The following NXNL2 variants were observed in gnomAD, a reference collection of about 807,000 sequenced individuals.
NXNL2 encodes the protein nucleoredoxin like 2, also known as nucleoredoxin-like protein 2.
Under a neutral mutation model 11.1 loss-of-function variants are expected in NXNL2, and 7 were observed. That is an observed-to-expected ratio of 0.63 (90% confidence interval 0.36 to 1.18). The LOEUF is 1.18. Among genes scored for constraint, NXNL2 ranks in the 50% most tolerant of loss-of-function variants. The pLI is 0.02. For missense variants in NXNL2, 233 were observed against 217.7 expected (o/e 1.07, Z -0.44); for synonymous variants, 109 against 101.8 (o/e 1.07, Z -0.42).
chr9:88,568,832 T>C lies in NXNL2; in HGVS notation c.303-2255T>C, dbSNP rs576761103. On this transcript the variant is annotated intron_variant, in intron 1 of 2. Transcript: ENST00000375855. ...ATTTATTTCACGTTCATTTATAATA[T>C]GGTTTGATGAGAACCCACTTGGTTA... Among the ~76,000 whole-genome samples, 6 of 152,314 alleles carry C rather than the reference T, an allele frequency of 3.9e-5. No individual in the cohort carries two copies. The East Asian group carries it at 9.7e-4, about 25-fold the overall frequency.
At chr9:88,541,004 G>A (rs1829747966) in intron 1 of NXNL2, among the ~76,000 whole-genome samples, 1 of 139,890 alleles carries the variant, frequency 7.1e-6, no homozygotes. Context: ...GGAGTGCAGT[G>A]GTGTGGTCAC....
rs560561459 is a variant in NXNL2, at chr9:88,536,274, G to C, written c.302+538G>C. On this transcript the variant is annotated intron_variant, in intron 1 of 1. Coordinates refer to ENST00000375854, the MANE Select transcript of NXNL2 (RefSeq NM_001161625.2). ...GGTTGGTTTGCTGGGAGGGAGGGAC[G>C]GGGGCTTCAAGGCTGGCAGGAACCC... is the stretch of plus-strand genomic sequence containing the variant. Among the ~76,000 whole-genome samples the C allele has an allele frequency of 4.4e-3, 673 of 152,288 alleles. 1 individual carries two copies. Among genetic ancestry groups the C allele is most frequent in the Non-Finnish European group, 6.5e-3 (440 of 68,030 alleles).
At chr9:88,576,260 C>G (rs571122730), downstream of NXNL2, among the ~76,000 whole-genome samples, 17 of 152,280 alleles carry the variant, frequency 1.1e-4, no homozygotes, top group African/African-American at 4.1e-4. Context: ...AAACCCAATG[C>G]GCCTGACTCT....
At chr9:88,559,381 G>A (rs530724996) in intron 1 of NXNL2, among the ~76,000 whole-genome samples, 133 of 152,292 alleles carry the variant, frequency 8.7e-4, no homozygotes, top group Non-Finnish European at 1.1e-3. Context: ...CAGAGAGGAG[G>A]CTGCAACACG....
In NXNL2 at chr9:88,562,751, CA is replaced by C. The variant is rs568068053; in HGVS notation, c.303-8323del. Among the ~76,000 whole-genome samples, 186 of 120,772 alleles carry C rather than the reference CA, an allele frequency of 1.5e-3. 1 individual carries two copies. The South Asian group carries it at 0.021, about 13-fold the overall frequency. The allele number at this position is 120,772 out of a possible 152,430, so 79.2% of individuals were successfully genotyped here. ...TGGGTGACAGGGCAAGACTCTGTCT[CA>C]AAAAAAAAAAAATTGTAGTGAGGCA... On this transcript the variant is annotated intron_variant, in intron 1 of 2. Coordinates refer to the NXNL2 transcript ENST00000375855.
At chr9:88,545,230 A>G (rs1293886900), downstream of NXNL2, among the ~76,000 whole-genome samples, 3 of 152,240 alleles carry the variant, frequency 2.0e-5, no homozygotes, top group Non-Finnish European at 4.4e-5. Flanking sequence ...AGTGTTACCT[A>G]AAAGTTAATA....
At chr9:88,558,421 A>G (rs145358041) in intron 1 of NXNL2, among the ~76,000 whole-genome samples, 1 of 152,302 alleles carries the variant, frequency 6.6e-6, no homozygotes, top group East Asian at 1.9e-4. Context: ...ACATCCTTAC[A>G]TAATCTGTAT....
chr9:88,565,000 T>C (rs113251551), intron 1 of NXNL2, among the ~76,000 whole-genome samples: 5 of 152,154 alleles, frequency 3.3e-5, no homozygotes, highest in Admixed American at 2.0e-4. Context: ...TTCATATCCA[T>C]TGAGTAGCAA....
At chr9:88,540,262 G>A (rs1829723585) in intron 1 of NXNL2, among the ~76,000 whole-genome samples, 1 of 151,846 alleles carries the variant, frequency 6.6e-6, no homozygotes, top group Non-Finnish European at 1.5e-5. Flanking sequence ...AACCTGGGAG[G>A]CGGAGGTTGC....
intron 1 of NXNL2, among the ~76,000 whole-genome samples, chr9:88,552,393 A>G (rs1829947531): frequency 6.6e-6 from 1 of 152,052 alleles, no homozygotes. Flanking sequence ...TTTACAAGGA[A>G]GACTCCTTTT....
At chr9:88,565,435 C>T (rs12338242) in intron 1 of NXNL2, among the ~76,000 whole-genome samples, 2,215 of 152,176 alleles carry the variant, frequency 0.015, 57 homozygotes, top group African/African-American at 0.05. Context: ...GGAATTGTTC[C>T]ATATTGTTTT....
At chr9:88,566,186 G>A (rs1830168356) in intron 1 of NXNL2, among the ~76,000 whole-genome samples, 1 of 152,030 alleles carries the variant, frequency 6.6e-6, no homozygotes, top group Non-Finnish European at 1.5e-5. Flanking sequence ...AAGCTTTTTA[G>A]TTTGATGTAA....
downstream of NXNL2, among the ~76,000 whole-genome samples, chr9:88,549,843 T>A (rs888337508): frequency 6.6e-6 from 1 of 152,100 alleles, no homozygotes; most frequent in African/African-American, 2.4e-5. Context: ...ACTTTTTTTG[T>A]TTTTTTAGAT....
intron 1 of NXNL2, among the ~76,000 whole-genome samples, chr9:88,554,752 A>G (rs1412049244): frequency 2.6e-5 from 4 of 152,202 alleles, no homozygotes; most frequent in Non-Finnish European, 4.4e-5. Flanking sequence ...TCTCGTTTAC[A>G]TATCTCACCT....
At chr9:88,573,406 A>G (rs1830303147) in intron 2 of NXNL2, among the ~76,000 whole-genome samples, 1 of 152,236 alleles carries the variant, frequency 6.6e-6, no homozygotes, top group Non-Finnish European at 1.5e-5. Context: ...AGCCTTCCAA[A>G]GTGCTGCGAT....
intron 1 of NXNL2, among the ~76,000 whole-genome samples, chr9:88,583,471 C>G (rs563350553): frequency 4.4e-4 from 67 of 152,144 alleles, no homozygotes; most frequent in Non-Finnish European, 7.9e-4. Context: ...ATTTCCATCA[C>G]CCCGCTGGTC....
At chr9:88,568,904 T>C (rs1830218182) in intron 1 of NXNL2, among the ~76,000 whole-genome samples, 1 of 152,112 alleles carries the variant, frequency 6.6e-6, no homozygotes, top group African/African-American at 2.4e-5. Flanking sequence ...ATATCTTTTA[T>C]TCAAATTTTG....
intron 2 of NXNL2, among the ~76,000 whole-genome samples, chr9:88,571,564 T>C (rs925853606): frequency 6.6e-6 from 1 of 152,234 alleles, no homozygotes; most frequent in African/African-American, 2.4e-5. Flanking sequence ...TACCACAATT[T>C]GGCTCTGGTA....
At chr9:88,567,634 C>T (rs1830195867) in intron 1 of NXNL2, among the ~76,000 whole-genome samples, 1 of 152,154 alleles carries the variant, frequency 6.6e-6, no homozygotes, top group Non-Finnish European at 1.5e-5. Flanking sequence ...AAAAATGATT[C>T]ATCTCTGTTT....
Sources: gnomAD v4.1 joint callset for allele counts (sites outside exome capture counted in the v4.1 genomes callset) on GRCh38, gnomAD v4.1.1 for gene constraint, MANE v1.5 for transcripts, NCBI Gene and HGNC (gene_info 2026-07-23, HGNC 2026-07-21) for gene names.